The following INPP5B variants were observed in gnomAD, a reference collection of about 807,000 sequenced individuals.
INPP5B encodes type II inositol 1,4,5-trisphosphate 5-phosphatase.
Under a neutral mutation model 118.5 loss-of-function variants are expected in INPP5B, and 90 were observed. The observed-to-expected ratio is 0.76, with a 90% CI of 0.64 to 0.90. INPP5B has a LOEUF of 0.90. Among genes scored for constraint, INPP5B ranks in the 40% least tolerant of loss-of-function variants. The probability of loss-of-function intolerance (pLI) is 0.00; values close to 1 mark genes in which losing one functional copy is unlikely to be tolerated. For missense variants in INPP5B, 984 were observed against 1,125.6 expected, an observed-to-expected ratio of 0.87 and a Z score of 1.80; for synonymous variants, 385 against 418.9, an observed-to-expected ratio of 0.92 and a Z score of 0.99.
chr1:37,898,741 T>C (rs2148556424), intron 7 of INPP5B, among the ~76,000 whole-genome samples: 1 of 150,614 alleles, frequency 6.6e-6, no homozygotes, highest in Admixed American at 6.6e-5. Context: ...TTTTAAAAAA[T>C]CATTTAGGAC....
chr1:37,883,814 G>T, intron 13 of INPP5B: 1 of 985,396 alleles, frequency 1.0e-6, no homozygotes, highest in Non-Finnish European at 1.2e-6. Flanking sequence ...AGGACAAGAG[G>T]CGTTAACTCT....
At chr1:37,905,795 C>T (rs892859422) in intron 7 of INPP5B, among the ~76,000 whole-genome samples, 2 of 152,208 alleles carry the variant, frequency 1.3e-5, no homozygotes, top group Non-Finnish European at 2.9e-5. Context: ...CAGAAGTTAA[C>T]TGCATGGACT....
chr1:37,893,477 A>C (rs1006171090), intron 7 of INPP5B, among the ~76,000 whole-genome samples: 1 of 152,032 alleles, frequency 6.6e-6, no homozygotes, highest in African/African-American at 2.4e-5. Flanking sequence ...AAAGCCTTTC[A>C]ATTTTGCTTC....
chr1:37,890,549 C>G (rs983814604), intron 8 of INPP5B, among the ~76,000 whole-genome samples: 2 of 152,070 alleles, frequency 1.3e-5, no homozygotes, highest in Admixed American at 6.5e-5. Flanking sequence ...CTTGACCAGA[C>G]AGATTCTGGA....
intron 6 of INPP5B, among the ~76,000 whole-genome samples, chr1:37,937,079 G>T (rs935215451): frequency 6.6e-6 from 1 of 151,728 alleles, no homozygotes; most frequent in African/African-American, 2.4e-5. Context: ...TTGGGAGGCC[G>T]AAGTGGGCAG....
intron 7 of INPP5B, among the ~76,000 whole-genome samples, chr1:37,901,032 G>A (rs28658085): frequency 0.32 from 48,390 of 151,874 alleles, 8,654 homozygotes; most frequent in Middle Eastern, 0.41. Context: ...GGCTGGTCTC[G>A]AACTCCTGAC....
At chr1:37,891,247 A>C in intron 8 of INPP5B, 111 bp downstream of exon 8, 4 of 625,552 alleles carry the variant, frequency 6.4e-6, no homozygotes, top group South Asian at 2.4e-5. Context: ...AAAAAAGGAC[A>C]CTTCCTAGGC....
intron 5 of INPP5B, among the ~76,000 whole-genome samples, chr1:37,941,626 G>T (rs1645914753): frequency 1.3e-5 from 2 of 151,472 alleles, no homozygotes; most frequent in African/African-American, 4.8e-5. Context: ...GAGTGACAGA[G>T]CAAGATCCTG....
rs544866227 is a variant in INPP5B at position 37,893,666 on chromosome 1, C to T, written c.533-2212G>A. On this transcript the variant is annotated intron_variant, in intron 7 of 23. Coordinates refer to ENST00000373024, the MANE Select transcript of INPP5B (RefSeq NM_005540.3). ...CCAGAGGATTTTTTAAAAAGTAAAT[C>T]GGATCACATCACTTTAAATCTTTTA... Among the ~76,000 whole-genome samples, 9 of 152,252 alleles carry T rather than the reference C, an allele frequency of 5.9e-5. No homozygotes were observed. In the East Asian group the frequency reaches 1.2e-3, roughly 20 times the overall value.
intron 7 of INPP5B, among the ~76,000 whole-genome samples, chr1:37,898,206 A>G (rs1644194379): frequency 6.6e-6 from 1 of 152,180 alleles, no homozygotes; most frequent in South Asian, 2.1e-4. Context: ...CAATTACACA[A>G]CATTCTGGAT....
chr1:37,885,686 A>G lies in INPP5B; in HGVS notation c.1271T>C (p.Phe424Ser). 4 of 1,614,124 alleles carry G rather than the reference A, an allele frequency of 2.5e-6. No individual in the cohort carries two copies. The highest frequency in any genetic ancestry group is 3.4e-6 in the Non-Finnish European group (4 of 1,180,020). Residue 424 changes from phenylalanine to serine, a missense_variant, in exon 13 of 24, where the codon TTT becomes TCT. Transcript: ENST00000373024. The stretch of plus-strand genomic sequence containing the variant: ...GGGAAGGCTTGGGTCAGGCTGACAA[A>G]ACTGCATTCGAGAACAAATGTCCTT... ...DYKDICSRMQ[F>S]CQPDPSLPPL...
chr1:37,887,111 C>A, intron 11 of INPP5B, 107 bp from the exon 12 acceptor site: 1 of 893,888 alleles, frequency 1.1e-6, no homozygotes, highest in East Asian at 2.4e-5. Flanking sequence ...GTCTCCTTCT[C>A]CACACTAGAA....
chr1:37,863,091 C>A (rs187707258), intron 23 of INPP5B, among the ~76,000 whole-genome samples: 24 of 151,988 alleles, frequency 1.6e-4, no homozygotes, highest in Admixed American at 1.4e-3. Context: ...GAGGCACGGG[C>A]GTTGGAGGGT....
rs1217328373 is a variant in INPP5B at position 37,871,164 on chromosome 1, A to AG, written c.2187+1765_2187+1766insC. ...CAGAGTAAGACTGTCTCAAAAAAAA[A>AG]AAAAAAAAAAAGGCCGGGCGCAGTG... is the stretch of plus-strand genomic sequence containing the variant. On this transcript the variant is annotated intron_variant, in intron 19 of 23. Coordinates refer to ENST00000373024, the MANE Select transcript of INPP5B (RefSeq NM_005540.3). 3.5e-5 allele frequency among the ~76,000 whole-genome samples: 5 copies of AG among 142,648 alleles called. No homozygotes were observed. The East Asian group carries it at 1.1e-3, about 30-fold the overall frequency. 93.6% of individuals were successfully genotyped at this position (142,648 alleles called of 152,430 possible). A position where few individuals can be genotyped will look rare whatever the true frequency, so the allele number is the denominator to read the frequency against.
intron 7 of INPP5B, among the ~76,000 whole-genome samples, chr1:37,909,931 C>T (rs1644632251): frequency 6.6e-6 from 1 of 152,192 alleles, no homozygotes; most frequent in African/African-American, 2.4e-5. Flanking sequence ...GCTTCTAGTG[C>T]TGGAAATCTG....
chr1:37,871,312 G>A (rs895802667), intron 19 of INPP5B, among the ~76,000 whole-genome samples: 1 of 150,642 alleles, frequency 6.6e-6, no homozygotes, highest in African/African-American at 2.5e-5. Flanking sequence ...ACAAAAATTA[G>A]CCGGGTATGG....
chr1:37,890,362 GAAAA>G (rs978443495), intron 8 of INPP5B, among the ~76,000 whole-genome samples: 5 of 150,556 alleles, frequency 3.3e-5, no homozygotes, highest in Admixed American at 1.3e-4. Context: ...GAAAAAAAAA[GAAAA>G]AAACTGTAAA....
intron 21 of INPP5B, 100 bp from the exon 22 acceptor site, chr1:37,865,988 G>T (rs1237759622): frequency 6.5e-7 from 1 of 1,547,272 alleles, no homozygotes; most frequent in East Asian, 2.4e-5. Context: ...GCCCTGTCAG[G>T]CTCTCTGCTC....
chr1:37,891,570 T>A (rs1643847293), intron 7 of INPP5B, 116 bp from the exon 8 acceptor site: 3 of 658,048 alleles, frequency 4.6e-6, no homozygotes, highest in South Asian at 3.5e-5. Flanking sequence ...AGGTCGGGAG[T>A]TCGAGACCAG....
Sources: allele counts gnomAD v4.1 joint callset (sites outside exome capture counted in the v4.1 genomes callset), GRCh38; gene constraint gnomAD v4.1.1; transcripts MANE v1.5; gene names NCBI Gene and HGNC (gene_info 2026-07-23, HGNC 2026-07-21).